PPARGC1A: variants seen among roughly 807,000 people sequenced by gnomAD.
The protein encoded by PPARGC1A is peroxisome proliferator-activated receptor gamma coactivator 1-alpha.
A neutral mutation model predicts 88.7 loss-of-function variants in PPARGC1A; 25 were observed. That is an observed-to-expected ratio of 0.28 (90% confidence interval 0.21 to 0.39). The LOEUF (loss-of-function observed/expected upper bound fraction) is 0.39. Ranked by LOEUF, PPARGC1A falls within the 10% of genes least tolerant of loss-of-function variation. The pLI is 1.00. For synonymous variants in PPARGC1A, 363 were observed against 355.6 expected (o/e 1.02, Z -0.24); for missense variants, 880 against 968.7 (o/e 0.91, Z 1.22).
At chr4:23,971,103 TTC>T in the PPARGC1A span, among the ~76,000 whole-genome samples, 2 of 152,196 alleles carry the variant, frequency 1.3e-5, no homozygotes, top group African/African-American at 2.4e-5. Flanking sequence ...CCCAGGTTAA[TTC>T]TGATTAATTA....
At chr4:24,406,382 C>G in the PPARGC1A span, among the ~76,000 whole-genome samples, 2 of 152,156 alleles carry the variant, frequency 1.3e-5, no homozygotes. Flanking sequence ...GGCGAGGTGT[C>G]TTCTTTCCTT....
At chr4:24,234,665 A>T in the PPARGC1A span, among the ~76,000 whole-genome samples, 1 of 152,220 alleles carries the variant, frequency 6.6e-6, no homozygotes, top group Non-Finnish European at 1.5e-5. Flanking sequence ...TAAGACGCTT[A>T]CACACTACTG....
chr4:24,266,004 A>G, the PPARGC1A span, among the ~76,000 whole-genome samples: 2 of 152,176 alleles, frequency 1.3e-5, no homozygotes, highest in Non-Finnish European at 1.5e-5. Flanking sequence ...ACAAATGCAC[A>G]GATTTAAATT....
At chr4:23,868,200 T>C (rs1712465941) in intron 2 of PPARGC1A, among the ~76,000 whole-genome samples, 1 of 152,180 alleles carries the variant, frequency 6.6e-6, no homozygotes, top group Non-Finnish European at 1.5e-5. Context: ...TACCCGCCAA[T>C]GCACATTCGC....
the PPARGC1A span, among the ~76,000 whole-genome samples, chr4:23,982,970 C>CT: frequency 8.5e-5 from 13 of 152,138 alleles, 1 homozygote; most frequent in African/African-American, 3.1e-4. Flanking sequence ...GCCAATCCCC[C>CT]TTTTTTACAC....
chr4:24,275,904 A>G, the PPARGC1A span, among the ~76,000 whole-genome samples: 2 of 152,254 alleles, frequency 1.3e-5, no homozygotes. Context: ...TTCTGTGAAT[A>G]CGAAGTTTCA....
Position 23,823,496 on chromosome 4 carries a change from C to T in PPARGC1A, c.877+784G>A, listed in dbSNP as rs1275261888. ...GCTTGAATCAACTTTTTTAATAAAC[C>T]CACCAATTGCTGGTCCTCACTGGTC... On this transcript the variant is annotated intron_variant, in intron 7 of 12. Coordinates refer to ENST00000264867, the MANE Select transcript of PPARGC1A (RefSeq NM_013261.5). 3.3e-5 allele frequency among the ~76,000 whole-genome samples: 5 copies of T among 151,708 alleles called. No individual in the cohort carries two copies. The South Asian group carries it at 8.3e-4, about 25-fold the overall frequency.
the PPARGC1A span, among the ~76,000 whole-genome samples, chr4:24,456,728 G>A: frequency 6.6e-6 from 1 of 151,844 alleles, no homozygotes; most frequent in African/African-American, 2.4e-5. Flanking sequence ...GAAAAGCATG[G>A]TTAATGAACT....
At chr4:23,848,910 G>A (rs907836179) in intron 2 of PPARGC1A, among the ~76,000 whole-genome samples, 1 of 152,088 alleles carries the variant, frequency 6.6e-6, no homozygotes, top group Admixed American at 6.5e-5. Context: ...TTGGGAGGCC[G>A]AGGCGGGCAG....
At chr4:24,229,552 G>A in the PPARGC1A span, among the ~76,000 whole-genome samples, 1 of 151,650 alleles carries the variant, frequency 6.6e-6, no homozygotes, top group East Asian at 2.0e-4. Context: ...AGAGTTGTTG[G>A]CCAGGCACAG....
At chr4:23,969,181 T>C in the PPARGC1A span, among the ~76,000 whole-genome samples, 1 of 152,214 alleles carries the variant, frequency 6.6e-6, no homozygotes, top group Non-Finnish European at 1.5e-5. Context: ...TCAAGTCTTA[T>C]GGCCATGACA....
intron 2 of PPARGC1A, among the ~76,000 whole-genome samples, chr4:23,869,188 G>C (rs1182232513): frequency 1.3e-5 from 2 of 152,134 alleles, no homozygotes; most frequent in African/African-American, 2.4e-5. Context: ...CTGCCTGGCT[G>C]TATCAGGGGC....
At chr4:24,028,194 C>A in the PPARGC1A span, among the ~76,000 whole-genome samples, 6 of 152,072 alleles carry the variant, frequency 3.9e-5, no homozygotes, top group African/African-American at 1.4e-4. Flanking sequence ...TTATTTTTGG[C>A]CATTTCTGCC....
chr4:24,134,498 C>T, the PPARGC1A span, among the ~76,000 whole-genome samples: 1 of 152,226 alleles, frequency 6.6e-6, no homozygotes, highest in Non-Finnish European at 1.5e-5. Context: ...ATTGAATCAG[C>T]AATTAGATCT....
chr4:24,379,202 G>A, the PPARGC1A span, among the ~76,000 whole-genome samples: 1 of 152,066 alleles, frequency 6.6e-6, no homozygotes, highest in Non-Finnish European at 1.5e-5. Flanking sequence ...ATATAATACA[G>A]CCATTAATAA....
At chr4:24,418,540 G>GT in the PPARGC1A span, among the ~76,000 whole-genome samples, 1 of 151,976 alleles carries the variant, frequency 6.6e-6, no homozygotes. Flanking sequence ...AGACACAAGT[G>GT]TTAGACTCTA....
the PPARGC1A span, among the ~76,000 whole-genome samples, chr4:24,396,549 G>A: frequency 6.6e-6 from 1 of 152,238 alleles, no homozygotes; most frequent in South Asian, 2.1e-4. Flanking sequence ...TGTCTGTGAA[G>A]CATCCTCTAA....
At chr4:24,185,990 G>A in the PPARGC1A span, among the ~76,000 whole-genome samples, 1 of 151,676 alleles carries the variant, frequency 6.6e-6, no homozygotes, top group Non-Finnish European at 1.5e-5. Context: ...GGGAGAGGAG[G>A]GGAAAAAAGA....
the PPARGC1A span, among the ~76,000 whole-genome samples, chr4:24,471,919 G>C: frequency 3.9e-5 from 6 of 152,224 alleles, no homozygotes; most frequent in African/African-American, 1.4e-4. The surrounding 1 kb of genome is among the most constrained non-coding windows in gnomAD (Gnocchi z 5.4). Flanking sequence ...GAGGGGAGTG[G>C]AGGGGGGACA....
Sources: gnomAD v4.1 joint callset for allele counts (sites outside exome capture counted in the v4.1 genomes callset) on GRCh38, gnomAD v4.1.1 for gene constraint, Gnocchi (gnomAD v3.1) non-coding constraint, MANE v1.5 for transcripts, NCBI Gene and HGNC (gene_info 2026-07-23, HGNC 2026-07-21) for gene names.